ATG4C: variants seen among roughly 807,000 people sequenced by gnomAD.
ATG4C encodes the protein cysteine protease ATG4C.
In ATG4C, 56 loss-of-function variants were observed where a neutral mutation model predicts 57.6. The ratio of observed to expected loss-of-function variants is 0.97; its 90% confidence interval spans 0.78 to 1.21. ATG4C has a LOEUF of 1.21. Among genes scored for constraint, ATG4C ranks in the 50% most tolerant of loss-of-function variants. ATG4C has a pLI of 0.00. For missense variants in ATG4C, 595 were observed against 529.8 expected, an observed-to-expected ratio of 1.12 and a Z score of -1.21; for synonymous variants, 157 against 174.1, an observed-to-expected ratio of 0.90 and a Z score of 0.78.
chr1:62,809,470 T>C (rs575523628), intron 3 of ATG4C, among the ~76,000 whole-genome samples: 294 of 147,390 alleles, frequency 2.0e-3, no homozygotes, highest in African/African-American at 7.1e-3. Context: ...TATATATAAA[T>C]ACATATAGAC....
chr1:62,849,048 T>A (rs1666412177), intron 10 of ATG4C, among the ~76,000 whole-genome samples: 1 of 152,180 alleles, frequency 6.6e-6, no homozygotes, highest in South Asian at 2.1e-4. Context: ...ATCACCAAAG[T>A]GATGCTATGT....
chr1:62,856,236 A>G (rs1171169095), intron 10 of ATG4C, among the ~76,000 whole-genome samples: 1 of 152,178 alleles, frequency 6.6e-6, no homozygotes, highest in Non-Finnish European at 1.5e-5. Context: ...TGTGTTTTCC[A>G]CATGAAATCT....
At chr1:62,813,959 G>A (rs1665177271) in intron 3 of ATG4C, among the ~76,000 whole-genome samples, 1 of 152,192 alleles carries the variant, frequency 6.6e-6, no homozygotes, top group Non-Finnish European at 1.5e-5. Flanking sequence ...TGCTGGAGAG[G>A]ATGTGGAGAA....
intron 9 of ATG4C, among the ~76,000 whole-genome samples, chr1:62,840,409 A>T (rs1195894253): frequency 1.3e-5 from 2 of 152,178 alleles, no homozygotes; most frequent in Non-Finnish European, 2.9e-5. Context: ...CCTTTACCAC[A>T]GACTTGTTAA....
intron 1 of ATG4C, among the ~76,000 whole-genome samples, chr1:62,792,639 A>G (rs1436397528): frequency 6.6e-6 from 1 of 152,254 alleles, no homozygotes; most frequent in Non-Finnish European, 1.5e-5. Flanking sequence ...TAGAACAGAT[A>G]TGAAAATACA....
chr1:62,810,611 A>G (rs1208940708), intron 3 of ATG4C, among the ~76,000 whole-genome samples: 1 of 152,010 alleles, frequency 6.6e-6, no homozygotes, highest in Non-Finnish European at 1.5e-5. Flanking sequence ...AACCACATAA[A>G]TCTTACGAAA....
chr1:62,822,578 T>C (rs1327690072), intron 6 of ATG4C, among the ~76,000 whole-genome samples: 1 of 152,226 alleles, frequency 6.6e-6, no homozygotes, highest in African/African-American at 2.4e-5. Context: ...AAATGGTTTG[T>C]GTAATTTGAA....
intron 5 of ATG4C, among the ~76,000 whole-genome samples, chr1:62,819,998 A>G (rs1000278301): frequency 2.6e-5 from 4 of 152,082 alleles, no homozygotes; most frequent in Non-Finnish European, 5.9e-5. Flanking sequence ...TCATATAAGT[A>G]TAGCATGTTG....
At chr1:62,850,750 G>C (rs537845472) in intron 10 of ATG4C, among the ~76,000 whole-genome samples, 1 of 150,794 alleles carries the variant, frequency 6.6e-6, no homozygotes, top group Admixed American at 6.6e-5. Context: ...TTTATACTTC[G>C]TAATTGCCTT....
At chr1:62,850,901 T>TATATATATAC (rs1553230197) in intron 10 of ATG4C, among the ~76,000 whole-genome samples, 1 of 51,578 alleles carries the variant, frequency 1.9e-5, no homozygotes. Flanking sequence ...TATATATATA[T>TATATATATAC]ACATACACAT....
At chr1:62,850,854 G>GTGTATGTGTA (rs1402010901) in intron 10 of ATG4C, among the ~76,000 whole-genome samples, 1 of 84,120 alleles carries the variant, frequency 1.2e-5, no homozygotes, top group Non-Finnish European at 2.6e-5. Flanking sequence ...GTGTATGTAT[G>GTGTATGTGTA]TATATATATA....
intron 1 of ATG4C, among the ~76,000 whole-genome samples, chr1:62,800,298 A>T (rs564303861): frequency 2.0e-5 from 3 of 152,322 alleles, no homozygotes; most frequent in East Asian, 3.8e-4. Flanking sequence ...TAATTTTTTT[A>T]AATTCTAAAA....
At chr1:62,834,681 G>T in intron 8 of ATG4C, 95 bp from the exon 9 acceptor site, 1 of 995,198 alleles carries the variant, frequency 1.0e-6, no homozygotes, top group Non-Finnish European at 1.5e-6. Flanking sequence ...GTTACTCCCA[G>T]ATTTTTTTCA....
At chr1:62,814,773 G>A (rs975153113) in intron 3 of ATG4C, among the ~76,000 whole-genome samples, 4 of 151,954 alleles carry the variant, frequency 2.6e-5, no homozygotes, top group African/African-American at 9.7e-5. Context: ...TTAAATTAAG[G>A]TGTTTAGGGC....
chr1:62,829,057 A>G lies in ATG4C; in HGVS notation c.814A>G (p.Ile272Val). The G allele has an allele frequency of 6.2e-7, 1 of 1,610,712 alleles. No homozygotes were observed. The highest frequency in any genetic ancestry group is 8.5e-7 in the Non-Finnish European group (1 of 1,178,186). Residue 272 changes from isoleucine to valine, a missense_variant, in exon 7 of 11, where the codon ATT becomes GTT. Ile to Val is a conservative substitution (Grantham distance 29, BLOSUM62 3). Transcript: ENST00000317868. ...TTTCTCAGTTTACAATTCTGATGTA[A>G]TTGATAAACAGAGTGCTTCCATGAC... The part of the protein sequence containing the change: ...QDCTVYNSDV[I>V]DKQSASMTSD...
At chr1:62,834,955 G>C in intron 9 of ATG4C, 103 bp downstream of exon 9, 2 of 877,640 alleles carry the variant, frequency 2.3e-6, no homozygotes, top group South Asian at 3.4e-5. Flanking sequence ...TATAACTACT[G>C]GTTAATAATC....
chr1:62,839,732 A>G (rs1480123595), intron 9 of ATG4C, among the ~76,000 whole-genome samples: 1 of 152,220 alleles, frequency 6.6e-6, no homozygotes, highest in African/African-American at 2.4e-5. Flanking sequence ...AACTAAGATT[A>G]TACTTGTATT....
At chr1:62,818,943 T>C (rs1391644470) in intron 4 of ATG4C, 62 bp from the exon 5 acceptor site, 2 of 1,287,834 alleles carry the variant, frequency 1.6e-6, no homozygotes, top group Non-Finnish European at 2.1e-6. Flanking sequence ...GTATTTATTT[T>C]AGTAGAATTG....
At position 62,803,628 on chromosome 1, in the gene ATG4C, CTG is replaced by C. The variant is rs1664756043; in HGVS notation, c.-68-89_-68-88del. The C allele has an allele frequency of 1.2e-5, 5 of 407,050 alleles. No individual in the cohort carries two copies. In the Admixed American group the frequency reaches 1.3e-4, roughly 11 times the overall value. 25.2% of individuals were successfully genotyped at this position (407,050 alleles called of 1,614,324 possible). A position where few individuals can be genotyped will look rare whatever the true frequency, so the allele number is the denominator to read the frequency against. On this transcript the variant is annotated intron_variant, in intron 1 of 10. Transcript: ENST00000317868. ...TTGTTTTGTTCATTTGCAGTTCAAA[CTG>C]TATTTAATCACTTAAGTAACTTTAA...
Sources: allele counts gnomAD v4.1 joint callset (sites outside exome capture counted in the v4.1 genomes callset), GRCh38; gene constraint gnomAD v4.1.1; transcripts MANE v1.5; gene names NCBI Gene and HGNC (gene_info 2026-07-23, HGNC 2026-07-21).